YBX2: variants seen among roughly 807,000 people sequenced by gnomAD.
The protein encoded by YBX2 is Y-box binding protein 2.
A neutral mutation model predicts 44.4 loss-of-function variants in YBX2; 5 were observed. The ratio of observed to expected loss-of-function variants is 0.11; its 90% confidence interval spans 0.06 to 0.24. The LOEUF is 0.24. Ranked by LOEUF, YBX2 falls within the 10% of genes least tolerant of loss-of-function variation. The probability of loss-of-function intolerance (pLI) is 1.00; values close to 1 mark genes in which losing one functional copy is unlikely to be tolerated. For missense variants in YBX2, 417 were observed against 526.9 expected (o/e 0.79, Z 2.04); for synonymous variants, 188 against 216.1 (o/e 0.87, Z 1.14).
rs1331913857 is a variant in YBX2 at position 7,291,074 on chromosome 17, C to T, written c.459+19G>A. 2 of 1,611,518 alleles carry T rather than the reference C, an allele frequency of 1.2e-6. No homozygotes were observed. The highest frequency in any genetic ancestry group is 4.5e-5 in the East Asian group (2 of 44,884). On this transcript the variant is annotated intron_variant, in intron 4 of 8. Transcript: ENST00000007699. This position sits in a 1 kb window ranked among gnomAD's most constrained non-coding sequence, Gnocchi z 5.8. ...CCCGTAAGCCTAGTCAACTCTATAC[C>T]CCATAGCAGTCCCCAAACCTTCTCT... is the stretch of plus-strand genomic sequence containing the variant.
intron 2 of YBX2, chr17:7,292,274 C>G (rs1292637003): frequency 1.7e-6 from 1 of 588,538 alleles, no homozygotes. Flanking sequence ...AGTGCCAAAC[C>G]TGGACTTCAC....
Position 7,289,513 on chromosome 17 carries a change from A to G in YBX2, c.1044+17T>C. 1 of 1,586,996 alleles carries G rather than the reference A, an allele frequency of 6.3e-7. No homozygotes were observed. The highest frequency in any genetic ancestry group is 8.6e-7 in the Non-Finnish European group (1 of 1,166,044). On this transcript the variant is annotated intron_variant, in intron 7 of 8. Coordinates refer to ENST00000007699, the MANE Select transcript of YBX2 (RefSeq NM_015982.4). ...TGGTCTCAGCCTTTTCTTTCATCCC[A>G]CATCTGAGGTCCTCACCTCAGGGGC...
intron 4 of YBX2, among the ~76,000 whole-genome samples, chr17:7,290,858 C>T (rs1483197689): frequency 6.6e-6 from 1 of 152,152 alleles, no homozygotes; most frequent in Non-Finnish European, 1.5e-5. Context: ...GAACGGATGT[C>T]GAAGTGCTTG....
Position 7,291,086 on chromosome 17 carries a change from C to T in YBX2, c.459+7G>A, listed in dbSNP as rs1219145715. The T allele has an allele frequency of 3.1e-6, 5 of 1,612,172 alleles. No individual in the cohort carries two copies. In the Admixed American group the frequency reaches 8.3e-5, roughly 27 times the overall value. On this transcript the variant is annotated splice_region_variant and intron_variant, in intron 4 of 8. Transcript: ENST00000007699. The surrounding 1 kb of genome is among the most constrained non-coding windows in gnomAD (Gnocchi z 5.8). ...GTCAACTCTATACCCCATAGCAGTC[C>T]CCAAACCTTCTCTCCTTCCACGACA...
At chr17:7,289,769 C>T (rs2072486133) in intron 6 of YBX2, 44 bp from the exon 7 acceptor site, 3 of 1,608,876 alleles carry the variant, frequency 1.9e-6, no homozygotes, top group Non-Finnish European at 2.5e-6. Context: ...GGAATACTCC[C>T]TCCCCAGGGC....
At position 7,291,431 on chromosome 17, in the gene YBX2, C is replaced by T; in HGVS notation, c.370-249G>A. ...CCTCCCCTCCCGCCCCGCTTTACCCCTCAGGGATTTCAGAAAGGGAGGCAA... is the reference window on the plus strand; with the variant it reads ...CCTCCCCTCCCGCCCCGCTTTACCCTTCAGGGATTTCAGAAAGGGAGGCAA... On this transcript the variant is annotated intron_variant, in intron 3 of 8. Coordinates refer to ENST00000007699, the MANE Select transcript of YBX2 (RefSeq NM_015982.4). The surrounding 1 kb of genome is among the most constrained non-coding windows in gnomAD (Gnocchi z 5.8). The T allele has an allele frequency of 1.8e-6, 1 of 546,098 alleles. No individual in the cohort carries two copies. Among genetic ancestry groups the T allele is most frequent in the South Asian group, 2.0e-5 (1 of 49,560 alleles). The allele number at this position is 546,098 out of a possible 1,614,324, so 33.8% of individuals were successfully genotyped here. A position where few individuals can be genotyped will look rare whatever the true frequency, so the allele number is the denominator to read the frequency against.
intron 6 of YBX2, 97 bp from the exon 7 acceptor site, chr17:7,289,822 G>A: frequency 6.3e-7 from 1 of 1,594,592 alleles, no homozygotes; most frequent in Non-Finnish European, 8.5e-7. Flanking sequence ...CAGGCTTCCA[G>A]CCCATGAGCA....
In YBX2 at chr17:7,294,035, G is replaced by A; in HGVS notation, c.271+195C>T. ...GACCTTAGCTGAACCTGCCGGCCCC[G>A]CCCTCTCTCCCAGGAAGGTACGGCA... On this transcript the variant is annotated intron_variant, in intron 1 of 8. Coordinates refer to ENST00000007699, the MANE Select transcript of YBX2 (RefSeq NM_015982.4). The surrounding 1 kb of genome is among the most constrained non-coding windows in gnomAD (Gnocchi z 4.6). 3 of 623,580 alleles carry A rather than the reference G, an allele frequency of 4.8e-6. No individual in the cohort carries two copies. Among genetic ancestry groups the A allele is most frequent in the Non-Finnish European group, 7.0e-6 (3 of 429,238 alleles). 38.6% of individuals were successfully genotyped at this position (623,580 alleles called of 1,614,324 possible).
intron 7 of YBX2, 71 bp downstream of exon 7, chr17:7,289,459 A>G: frequency 6.5e-7 from 1 of 1,546,984 alleles, no homozygotes; most frequent in Non-Finnish European, 8.7e-7. Flanking sequence ...TAGAGTAGGA[A>G]AGAAAAAGGA....
chr17:7,291,921 T>G lies in YBX2; in HGVS notation c.369+105A>C. ...GGCACCCAAGGCGGATGGGCCGTTG[T>G]GAAGAAGAGCCAGAGAAACATGGCG... On this transcript the variant is annotated intron_variant, in intron 3 of 8. Coordinates refer to ENST00000007699, the MANE Select transcript of YBX2 (RefSeq NM_015982.4). This position sits in a 1 kb window ranked among gnomAD's most constrained non-coding sequence, Gnocchi z 5.8. 1 of 1,461,156 alleles carries G rather than the reference T, an allele frequency of 6.8e-7. No individual in the cohort carries two copies. Among genetic ancestry groups the G allele is most frequent in the East Asian group, 2.3e-5 (1 of 44,040 alleles). 90.5% of individuals were successfully genotyped at this position (1,461,156 alleles called of 1,614,324 possible). A position where few individuals can be genotyped will look rare whatever the true frequency, so the allele number is the denominator to read the frequency against.
intron 1 of YBX2, chr17:7,293,885 T>G: frequency 1.9e-6 from 1 of 519,638 alleles, no homozygotes; most frequent in South Asian, 2.4e-5. Context: ...GCCCTCCCAA[T>G]GCAAGGGTCC....
rs1213556059 is a variant in YBX2 at position 7,294,547 on chromosome 17, C to G, written c.-47G>C. On this transcript the variant is annotated 5_prime_UTR_variant, in exon 1 of 9. Coordinates refer to ENST00000007699, the MANE Select transcript of YBX2 (RefSeq NM_015982.4). The surrounding 1 kb of genome is among the most constrained non-coding windows in gnomAD (Gnocchi z 4.6). ...CACAGCCGCCACCGCCCCGGCCCCT[C>G]CCCCCGGCTCGCGAACCCACCGCCC... The G allele has an allele frequency of 2.1e-6, 3 of 1,398,286 alleles. No homozygotes were observed. Among genetic ancestry groups the G allele is most frequent in the South Asian group, 1.4e-5 (1 of 70,068 alleles). The allele number at this position is 1,398,286 out of a possible 1,614,324, so 86.6% of individuals were successfully genotyped here. A position where few individuals can be genotyped will look rare whatever the true frequency, so the allele number is the denominator to read the frequency against.
rs2072498906 is a variant in YBX2, at chr17:7,291,147, C to T, written c.405G>A (p.Leu135=). ...CAGTCTCCCCATCTCCAACGCTGCG[C>T]AGAAACTTCCTGGGGTTGTTTCTTT... ...AIKRNNPRKF[L]RSVGDGETVE... is the part of the protein sequence containing the mutation. Residue 135 remains leucine (L), a synonymous_variant, in exon 4 of 9, where the codon CTG becomes CTA. Transcript: ENST00000007699. The surrounding 1 kb of genome is among the most constrained non-coding windows in gnomAD (Gnocchi z 5.8). The T allele has an allele frequency of 1.2e-6, 2 of 1,613,676 alleles. No individual in the cohort carries two copies. Among genetic ancestry groups the T allele is most frequent in the Non-Finnish European group, 1.7e-6 (2 of 1,180,044 alleles).
rs753557202 is a variant in YBX2, at chr17:7,288,737, C to T, written c.*39+12G>A. The T allele has an allele frequency of 1.2e-6, 2 of 1,611,234 alleles. No individual in the cohort carries two copies. The highest frequency in any genetic ancestry group is 2.2e-5 in the East Asian group (1 of 44,870). On this transcript the variant is annotated intron_variant, in intron 8 of 8. Transcript: ENST00000007699. ...CTTCCTGGCCACCCACCCAACTGCA[C>T]CAGCCACTCACCAGATGGCAGCTCT...
chr17:7,294,366 G>A lies in YBX2; in HGVS notation c.135C>T (p.Gly45=). The change falls in exon 1 of 9, where the codon GGC becomes GGT. Residue 45 remains glycine (G), a synonymous_variant. Transcript: ENST00000007699. The surrounding 1 kb of genome is among the most constrained non-coding windows in gnomAD (Gnocchi z 4.6). ...GEPQKGGGAG[G]GGGAASGPAA... is the part of the protein sequence containing the mutation. The stretch of plus-strand genomic sequence containing the variant: ...CGGGGCCCGAGGCGGCTCCGCCCCC[G>A]CCGCCCGCCCCGCCGCCTTTCTGCG... 2 of 1,387,736 alleles carry A rather than the reference G, an allele frequency of 1.4e-6. No homozygotes were observed. Among genetic ancestry groups the A allele is most frequent in the Non-Finnish European group, 1.9e-6 (2 of 1,069,400 alleles). 86.0% of individuals were successfully genotyped at this position (1,387,736 alleles called of 1,614,324 possible).
chr17:7,294,119 G>A lies in YBX2; in HGVS notation c.271+111C>T, dbSNP rs949042212. 8.6e-7 allele frequency: 1 copy of A among 1,156,996 alleles called. No individual in the cohort carries two copies. The highest frequency in any genetic ancestry group is 1.1e-6 in the Non-Finnish European group (1 of 919,492). The allele number at this position is 1,156,996 out of a possible 1,614,324, so 71.7% of individuals were successfully genotyped here. ...CAGCTCCCAGCCCAGTTAGCGCTCT[G>A]GGCCTGCGGGCCAGGCCGCCTTTGG... On this transcript the variant is annotated intron_variant, in intron 1 of 8. Transcript: ENST00000007699. The surrounding 1 kb of genome is among the most constrained non-coding windows in gnomAD (Gnocchi z 4.6).
chr17:7,292,960 G>C (rs1450245804), intron 2 of YBX2: 1 of 186,020 alleles, frequency 5.4e-6, no homozygotes, highest in African/African-American at 2.4e-5. Flanking sequence ...CCGGTGCTGA[G>C]GGGTGGGGCT....
Position 7,288,590 on chromosome 17 carries a change from G to C in YBX2, c.*93C>G, listed in dbSNP as rs941255370. 7.1e-5 allele frequency: 42 copies of C among 587,586 alleles called. No homozygotes were observed. The highest frequency in any genetic ancestry group is 4.6e-4 in the Middle Eastern group (1 of 2,172). The allele number at this position is 587,586 out of a possible 1,614,324, so 36.4% of individuals were successfully genotyped here. A position where few individuals can be genotyped will look rare whatever the true frequency, so the allele number is the denominator to read the frequency against. On this transcript the variant is annotated 3_prime_UTR_variant, in exon 9 of 9. Transcript: ENST00000007699. ...TTTTGATGTCATGAATTATGGGAAA[G>C]GGGGAGCAGGGTACTGGGTAGGGTA...
Position 7,294,314 on chromosome 17 carries a change from A to G in YBX2, c.187T>C (p.Ser63Pro), listed in dbSNP as rs8069533. Residue 63 changes from serine to proline, a missense_variant, in exon 1 of 9, where the codon TCC (serine) becomes CCC (proline). By Grantham distance (74) the Ser-to-Pro change is moderately conservative (BLOSUM62 -1). Transcript: ENST00000007699. The surrounding 1 kb of genome is among the most constrained non-coding windows in gnomAD (Gnocchi z 4.6). ...GTCGCCGGATTGCCAGGGGTGCGGG[A>G]GCCCGGCGCCGAGGGGGTCCCAGCA... ...PAAGTPSAPG[S>P]RTPGNPATAV... The G allele has an allele frequency of 0.53, 678,177 of 1,274,492 alleles. 184,322 individuals are homozygous for G. Among genetic ancestry groups the G allele is most frequent in the Non-Finnish European group, 0.56 (570,410 of 1,016,108 alleles). The allele number at this position is 1,274,492 out of a possible 1,614,324, so 78.9% of individuals were successfully genotyped here.
Sources: gnomAD v4.1 joint callset for allele counts (sites outside exome capture counted in the v4.1 genomes callset) on GRCh38, gnomAD v4.1.1 for gene constraint, Gnocchi (gnomAD v3.1) non-coding constraint, MANE v1.5 for transcripts, NCBI Gene and HGNC (gene_info 2026-07-23, HGNC 2026-07-21) for gene names.